Variants in BCAR3 observed in about 807,000 individuals in gnomAD.
BCAR3 encodes the protein breast cancer anti-estrogen resistance protein 3.
In BCAR3, 37 loss-of-function variants were observed where a neutral mutation model predicts 80.1. That is an observed-to-expected ratio of 0.46 (90% confidence interval 0.36 to 0.61). The LOEUF is 0.61. Among genes scored for constraint, BCAR3 ranks in the 20% least tolerant of loss-of-function variants. The pLI is 0.00. For missense variants in BCAR3, 978 were observed against 1,068.2 expected (o/e 0.92, Z 1.18); for synonymous variants, 389 against 418.9 (o/e 0.93, Z 0.87).
At chr1:93,616,861 T>C (rs376014798) in intron 3 of BCAR3, among the ~76,000 whole-genome samples, 2 of 152,290 alleles carry the variant, frequency 1.3e-5, no homozygotes, top group African/African-American at 4.8e-5. Flanking sequence ...TGAACTCCCA[T>C]CCACCGCCCT....
intron 3 of BCAR3, among the ~76,000 whole-genome samples, chr1:93,633,008 A>C (rs1675675694): frequency 6.6e-6 from 1 of 152,132 alleles, no homozygotes; most frequent in South Asian, 2.1e-4. Flanking sequence ...AACAAGAGCG[A>C]AACTCCACAT....
intron 7 of BCAR3, among the ~76,000 whole-genome samples, chr1:93,578,834 A>T (rs1673575459): frequency 6.6e-6 from 1 of 152,212 alleles, no homozygotes; most frequent in South Asian, 2.1e-4. Flanking sequence ...ATAAACACTT[A>T]GTGCTCACTG....
rs116134337 is a variant in BCAR3 at position 93,835,184 on chromosome 1, G to C, written c.-63+10383C>G. Among the ~76,000 whole-genome samples, 1,330 of 152,162 alleles carry C rather than the reference G, an allele frequency of 8.7e-3. 18 individuals are homozygous for C. The highest frequency in any genetic ancestry group is 0.031 in the African/African-American group (1,287 of 41,466). ...TGCCTTCCATGTCCTACACCACTAT[G>C]CTGTTATATGGGCTGAAAGAGGTTT... On this transcript the variant is annotated intron_variant, in intron 2 of 13. Coordinates refer to the BCAR3 transcript ENST00000370244.
chr1:93,690,722 C>T (rs1441180386), intron 3 of BCAR3, among the ~76,000 whole-genome samples: 3 of 152,176 alleles, frequency 2.0e-5, no homozygotes, highest in African/African-American at 7.2e-5. Flanking sequence ...TAGTTACATA[C>T]CTCATGATGC....
intron 5 of BCAR3, among the ~76,000 whole-genome samples, chr1:93,587,770 G>A (rs933503455): frequency 6.6e-6 from 1 of 151,730 alleles, no homozygotes; most frequent in African/African-American, 2.4e-5. Context: ...GCTGGGAGCC[G>A]GGTCAGGGCT....
chr1:93,582,848 C>T lies in BCAR3; in HGVS notation c.1139G>A (p.Arg380Gln), dbSNP rs771948696. ...SEPALSPAVVRRVSSDARAGE... is the reference protein window; with the variant it reads ...SEPALSPAVVQRVSSDARAGE... ...AGCCCTGGCGTCTGAGGAGACCCTCCGAACCACTGCTGGGCTCAGGGCAGG... is the reference window on the plus strand; with the variant it reads ...AGCCCTGGCGTCTGAGGAGACCCTCTGAACCACTGCTGGGCTCAGGGCAGG... Residue 380 changes from arginine (R) to glutamine (Q), a missense_variant, in exon 7 of 12, where the codon CGG (arginine) becomes CAG (glutamine). Transcript: ENST00000260502. 1.8e-5 allele frequency: 29 copies of T among 1,613,268 alleles called. No homozygotes were observed. The highest frequency in any genetic ancestry group is 1.7e-4 in the Middle Eastern group (1 of 6,060).
chr1:93,678,885 A>C (rs998175198), intron 1 of BCAR3, among the ~76,000 whole-genome samples: 1 of 152,242 alleles, frequency 6.6e-6, no homozygotes, highest in African/African-American at 2.4e-5. Context: ...TTGGAATGAC[A>C]GCTGATGGAG....
At chr1:93,751,887 G>A (rs1020414317) in intron 2 of BCAR3, among the ~76,000 whole-genome samples, 2 of 152,226 alleles carry the variant, frequency 1.3e-5, no homozygotes, top group Non-Finnish European at 2.9e-5. Context: ...GCCAGCTTTG[G>A]CTCTGGTATC....
chr1:93,567,065 T>C (rs973787304), intron 11 of BCAR3, among the ~76,000 whole-genome samples: 3 of 152,134 alleles, frequency 2.0e-5, no homozygotes, highest in African/African-American at 4.8e-5. Context: ...GTTTATTCTA[T>C]ACCATTGAAC....
Position 93,582,786 on chromosome 1 carries a change from G to A in BCAR3, c.1201C>T (p.Pro401Ser). ...ALRGSDSQLC[P>S]KPPPKPCKVP... ...TTGCAGGGCTTAGGCGGGGGCTTAG[G>A]GCACAGTTGACTGTCTGATCCCCTC... The change falls in exon 7 of 12, where the codon CCT becomes TCT. Residue 401 changes from proline (P) to serine (S), a missense_variant. Transcript: ENST00000260502. 1 of 1,614,060 alleles carries A rather than the reference G, an allele frequency of 6.2e-7. No homozygotes were observed. The highest frequency in any genetic ancestry group is 8.5e-7 in the Non-Finnish European group (1 of 1,180,032).
intron 3 of BCAR3, among the ~76,000 whole-genome samples, chr1:93,594,011 AC>A (rs1352274872): frequency 6.6e-6 from 1 of 152,134 alleles, no homozygotes; most frequent in Non-Finnish European, 1.5e-5. Context: ...GATGTTTGAC[AC>A]CGTCCGCTCC....
At chr1:93,746,027 G>C (rs1651346778) in intron 2 of BCAR3, among the ~76,000 whole-genome samples, 2 of 152,240 alleles carry the variant, frequency 1.3e-5, no homozygotes, top group Non-Finnish European at 2.9e-5. Context: ...GTGAGACAGA[G>C]GTCTTGGGAT....
chr1:93,838,139 A>G (rs868239062), intron 2 of BCAR3, among the ~76,000 whole-genome samples: 7 of 152,230 alleles, frequency 4.6e-5, no homozygotes, highest in Admixed American at 2.0e-4. Context: ...TTGTATTGCT[A>G]TAAAAGAATA....
intron 3 of BCAR3, among the ~76,000 whole-genome samples, chr1:93,697,113 G>C (rs867716966): frequency 6.6e-6 from 1 of 152,368 alleles, no homozygotes; most frequent in Middle Eastern, 3.4e-3. Context: ...CCCTCAAAGG[G>C]AGTGGCCTCT....
At chr1:93,635,798 T>G (rs553522716) in intron 3 of BCAR3, among the ~76,000 whole-genome samples, 1 of 152,256 alleles carries the variant, frequency 6.6e-6, no homozygotes, top group South Asian at 2.1e-4. Flanking sequence ...TCATGGAATG[T>G]ACAGCGTGCC....
At chr1:93,774,406 C>A (rs906433861) in intron 2 of BCAR3, among the ~76,000 whole-genome samples, 12 of 151,740 alleles carry the variant, frequency 7.9e-5, no homozygotes, top group African/African-American at 2.9e-4. Flanking sequence ...ATCGCTTGAA[C>A]CCAGGAGGCA....
At chr1:93,762,873 C>G (rs1260091031) in intron 2 of BCAR3, among the ~76,000 whole-genome samples, 1 of 152,114 alleles carries the variant, frequency 6.6e-6, no homozygotes, top group East Asian at 1.9e-4. Context: ...ACCTCAAGCT[C>G]CTTCAAATCT....
intron 3 of BCAR3, among the ~76,000 whole-genome samples, chr1:93,636,983 T>C (rs1408274301): frequency 6.6e-6 from 1 of 151,966 alleles, no homozygotes; most frequent in Non-Finnish European, 1.5e-5. Flanking sequence ...TGGTCCCAGT[T>C]ACCTGAGGGG....
chr1:93,675,084 T>TA, intron 1 of BCAR3, 143 bp from the exon 2 acceptor site: 1 of 630,858 alleles, frequency 1.6e-6, no homozygotes, highest in Non-Finnish European at 2.5e-6. Flanking sequence ...ATGGCATCAC[T>TA]AGTGGAGTCT....
Sources: gnomAD v4.1 joint callset for allele counts (sites outside exome capture counted in the v4.1 genomes callset) on GRCh38, gnomAD v4.1.1 for gene constraint, MANE v1.5 for transcripts, NCBI Gene and HGNC (gene_info 2026-07-23, HGNC 2026-07-21) for gene names.